Variants in RNF17 observed in about 807,000 individuals in gnomAD.
RNF17 encodes the protein ring finger protein 17.
RNF17 carries 31 observed loss-of-function variants against 200.5 expected under a neutral mutation model. That is an observed-to-expected ratio of 0.15 (90% CI 0.12 to 0.21). RNF17 has a LOEUF of 0.21. Among genes scored for constraint, RNF17 ranks in the 10% least tolerant of loss-of-function variants. The probability of loss-of-function intolerance (pLI) is 1.00; values close to 1 mark genes in which losing one functional copy is unlikely to be tolerated. For missense variants in RNF17, 1,628 were observed against 1,905.1 expected (o/e 0.85, Z 2.71); for synonymous variants, 606 against 637.8 (o/e 0.95, Z 0.75).
chr13:24,829,344 T>G (rs905469260), intron 16 of RNF17, among the ~76,000 whole-genome samples: 1 of 152,208 alleles, frequency 6.6e-6, no homozygotes, highest in African/African-American at 2.4e-5. Context: ...CATGTGATAA[T>G]TTAGATAAAA....
intron 16 of RNF17, among the ~76,000 whole-genome samples, chr13:24,829,110 T>C (rs556239228): frequency 6.6e-6 from 1 of 152,270 alleles, no homozygotes; most frequent in South Asian, 2.1e-4. Context: ...TCTTCTCCAA[T>C]TGGGCTGCTT....
chr13:24,842,269 G>A, intron 19 of RNF17, 108 bp downstream of exon 19: 2 of 921,406 alleles, frequency 2.2e-6, no homozygotes, highest in South Asian at 4.4e-5. Context: ...AGCTTAGACT[G>A]TAGACCTGAG....
Position 24,842,010 on chromosome 13 carries a change from C to A in RNF17, c.2483-31C>A, listed in dbSNP as rs777659572. The stretch of plus-strand genomic sequence containing the variant: ...ATTTACTATATTTTGTGACATATTT[C>A]TTTCCCCAAACTTTCTTAATGGTTT... On this transcript the variant is annotated intron_variant, in intron 18 of 35. Coordinates refer to ENST00000255324, the MANE Select transcript of RNF17 (RefSeq NM_031277.3). 1.2e-5 allele frequency: 19 copies of A among 1,573,144 alleles called. No individual in the cohort carries two copies. In the African/African-American group the frequency reaches 1.5e-4, roughly 13 times the overall value.
the RNF17 span, chr13:24,885,784 G>A: frequency 5.3e-6 from 4 of 755,376 alleles, no homozygotes; most frequent in East Asian, 8.1e-5. Flanking sequence ...TTATCCATTA[G>A]TTAAGGATGT....
At chr13:24,882,472 G>GGCTACAGTAATCTCACTGTTT (rs368771677), downstream of RNF17, 4 of 142,040 alleles carry the variant, frequency 2.8e-5, no homozygotes, top group African/African-American at 9.9e-5. Context: ...GCTTCCATGA[G>GGCTACAGTAATCTCACTGTTT]GCTACAGTAA....
At chr13:24,751,398 T>C in the RNF17 span, 1 of 152,136 alleles carries the variant, frequency 6.6e-6, no homozygotes, top group African/African-American at 2.4e-5. Flanking sequence ...GTTCTTCCTT[T>C]GAAGTCACTT....
chr13:24,764,420 G>T (rs1879248048), intron 1 of RNF17, 87 bp downstream of exon 1: 22 of 1,456,110 alleles, frequency 1.5e-5, no homozygotes, highest in Non-Finnish European at 1.9e-5. Context: ...GTGAGGCTTG[G>T]TCAGCTGCAT....
chr13:24,844,102 A>G, intron 20 of RNF17, 131 bp downstream of exon 20: 1 of 353,070 alleles, frequency 2.8e-6, no homozygotes, highest in Non-Finnish European at 4.9e-6. Context: ...AGTCTCAGCT[A>G]GTTAGAAGTA....
chr13:24,761,522 T>G (rs1488864717), upstream of RNF17, among the ~76,000 whole-genome samples: 10 of 152,192 alleles, frequency 6.6e-5, no homozygotes, highest in Non-Finnish European at 1.5e-4. Flanking sequence ...CAGATGCAAT[T>G]TATAAAAATT....
Position 24,868,670 on chromosome 13 carries a change from G to C in RNF17, c.4232G>C (p.Gly1411Ala), listed in dbSNP as rs201824876. 6.2e-7 allele frequency: 1 copy of C among 1,608,492 alleles called. No homozygotes were observed. The highest frequency in any genetic ancestry group is 2.2e-5 in the East Asian group (1 of 44,836). ...TTGTCTTCATCTCTGCCTTCCCCAG[G>C]AGAACTCTATGCTGTTCAAGTTAAG... The part of the protein sequence containing the change: ...PYLSSSLPSP[G>A]ELYAVQVKHV... Residue 1411 changes from glycine to alanine, a missense_variant, in exon 31 of 36, where the codon GGA becomes GCA. Physicochemically the swap from Gly to Ala is moderately conservative, Grantham distance 60. Coordinates refer to ENST00000255324, the MANE Select transcript of RNF17 (RefSeq NM_031277.3).
In RNF17 at chr13:24,861,326, T is replaced by C; in HGVS notation, c.3833T>C (p.Ile1278Thr). Residue 1278 changes from isoleucine to threonine, a missense_variant, in exon 27 of 36, where the codon ATT (isoleucine) becomes ACT (threonine). Around this residue, in one of 5 missense-constraint regions of RNF17, gnomAD observed 609 missense variants for 681.9 expected, o/e 0.89. Transcript: ENST00000255324. ...EKIPQCHLYP[I>T]LLYPDIPQFC... Reference sequence around the variant, plus strand: ...ATTCCGCAGTGCCATCTTTACCCTATTTTGCTGTATCCTGATATACCCCAG... The same window carrying C: ...ATTCCGCAGTGCCATCTTTACCCTACTTTGCTGTATCCTGATATACCCCAG... 1 of 1,592,578 alleles carries C rather than the reference T, an allele frequency of 6.3e-7. No individual in the cohort carries two copies. The highest frequency in any genetic ancestry group is 8.6e-7 in the Non-Finnish European group (1 of 1,167,274).
intron 33 of RNF17, 128 bp from the exon 34 acceptor site, chr13:24,876,869 T>C: frequency 3.4e-6 from 2 of 589,904 alleles, no homozygotes; most frequent in Non-Finnish European, 5.7e-6. Flanking sequence ...TCTCATGCTT[T>C]TGGTGTCGTA....
At chr13:24,772,426 ATTTTTT>A (rs34066913) in intron 2 of RNF17, among the ~76,000 whole-genome samples, 1 of 106,020 alleles carries the variant, frequency 9.4e-6, no homozygotes, top group African/African-American at 3.7e-5. Flanking sequence ...TTGAGTCTCC[ATTTTTT>A]TTTTTTTTTT....
intron 2 of RNF17, among the ~76,000 whole-genome samples, chr13:24,767,796 TAAGCA>T (rs1879950400): frequency 6.6e-6 from 1 of 152,040 alleles, no homozygotes; most frequent in African/African-American, 2.4e-5. Flanking sequence ...GCTGAATCTT[TAAGCA>T]AAGAAACCTA....
intron 28 of RNF17, 63 bp from the exon 29 acceptor site, chr13:24,864,810 G>T: frequency 8.4e-7 from 1 of 1,184,506 alleles, no homozygotes; most frequent in Non-Finnish European, 1.2e-6. Flanking sequence ...GATATTTGCT[G>T]ACTATAAAAA....
intron 15 of RNF17, among the ~76,000 whole-genome samples, chr13:24,822,161 T>C (rs923716639): frequency 1.3e-5 from 2 of 152,162 alleles, no homozygotes; most frequent in Non-Finnish European, 2.9e-5. Context: ...CCTAATCTTA[T>C]TATGCAAATG....
intron 15 of RNF17, among the ~76,000 whole-genome samples, chr13:24,814,640 G>A (rs1887168844): frequency 6.6e-6 from 1 of 152,146 alleles, no homozygotes; most frequent in Non-Finnish European, 1.5e-5. Flanking sequence ...TTCCCCCATT[G>A]AATGGTCTTG....
intron 23 of RNF17, among the ~76,000 whole-genome samples, chr13:24,850,975 C>T (rs1347242519): frequency 6.6e-6 from 1 of 152,106 alleles, no homozygotes; most frequent in Non-Finnish European, 1.5e-5. Context: ...CAAAATAACT[C>T]TCTGTTCCAC....
Position 24,788,131 on chromosome 13 carries a change from C to T in RNF17, c.755C>T (p.Ser252Phe). The T allele has an allele frequency of 6.3e-7, 1 of 1,590,820 alleles. No individual in the cohort carries two copies. Among genetic ancestry groups the T allele is most frequent in the Non-Finnish European group, 8.5e-7 (1 of 1,173,926 alleles). ...GCAAGAGCATTACAATTATCGCCTT[C>T]TCTAAGAACATACTGTGACCTGAAT... is the stretch of plus-strand genomic sequence containing the variant. The part of the protein sequence containing the change: ...NIARALQLSP[S>F]LRTYCDLNQI... The change falls in exon 7 of 36, where the codon TCT (serine) becomes TTT (phenylalanine). Residue 252 changes from serine to phenylalanine, a missense_variant. Around this residue, in one of 5 missense-constraint regions of RNF17, gnomAD observed 502 missense variants for 501.7 expected, o/e 1.00. Coordinates refer to ENST00000255324, the MANE Select transcript of RNF17 (RefSeq NM_031277.3).
Sources: gnomAD v4.1 joint callset for allele counts (sites outside exome capture counted in the v4.1 genomes callset) on GRCh38, gnomAD v4.1.1 for gene constraint, gnomAD v4.1.1 regional missense constraint, MANE v1.5 for transcripts, NCBI Gene and HGNC (gene_info 2026-07-23, HGNC 2026-07-21) for gene names.